Variants in WWP2 observed in about 807,000 individuals in gnomAD.
WWP2 encodes WW domain containing E3 ubiquitin protein ligase 2.
A neutral mutation model predicts 121.0 loss-of-function variants in WWP2; 57 were observed. The observed-to-expected ratio is 0.47, with a 90% CI of 0.38 to 0.59. WWP2 has a LOEUF of 0.59. Among genes scored for constraint, WWP2 ranks in the 20% least tolerant of loss-of-function variants. The pLI is 0.00. For synonymous variants in WWP2, 449 were observed against 441.3 expected (o/e 1.02, Z -0.22); for missense variants, 962 against 1,158.9 (o/e 0.83, Z 2.47).
intron 6 of WWP2, among the ~76,000 whole-genome samples, chr16:69,856,514 C>T (rs921811393): frequency 3.9e-5 from 6 of 152,154 alleles, no homozygotes; most frequent in East Asian, 1.9e-4. Flanking sequence ...CGGTGGCTCA[C>T]GCCTGTAATC....
intron 7 of WWP2, among the ~76,000 whole-genome samples, chr16:69,886,801 T>C (rs13333561): frequency 0.022 from 3,282 of 152,274 alleles, 95 homozygotes; most frequent in African/African-American, 0.067. Flanking sequence ...CAAGTACATC[T>C]GTTCAATGAT....
intron 1 of WWP2, among the ~76,000 whole-genome samples, chr16:69,776,655 C>A (rs13332047): frequency 6.6e-6 from 1 of 151,924 alleles, no homozygotes; most frequent in Non-Finnish European, 1.5e-5. Flanking sequence ...GGAGAAACCC[C>A]GTCTCTACTA....
At chr16:69,796,678 C>G (rs1287159685) in intron 2 of WWP2, among the ~76,000 whole-genome samples, 1 of 152,234 alleles carries the variant, frequency 6.6e-6, no homozygotes, top group Admixed American at 6.5e-5. Context: ...TAGATTCATG[C>G]TCTTACCACC....
At chr16:69,901,475 C>T (rs1013817382) in intron 8 of WWP2, among the ~76,000 whole-genome samples, 4 of 152,088 alleles carry the variant, frequency 2.6e-5, no homozygotes, top group African/African-American at 7.2e-5. Flanking sequence ...TGCAGTGGCG[C>T]GATCTCAGCT....
chr16:69,919,986 G>A (rs1007406843), intron 10 of WWP2, among the ~76,000 whole-genome samples: 1 of 151,818 alleles, frequency 6.6e-6, no homozygotes, highest in African/African-American at 2.4e-5. Context: ...GTAGAGATGG[G>A]GTTTTGCCAT....
chr16:69,803,551 A>C (rs950906199), intron 4 of WWP2, among the ~76,000 whole-genome samples: 1 of 152,060 alleles, frequency 6.6e-6, no homozygotes, highest in Non-Finnish European at 1.5e-5. Flanking sequence ...TGGTTGTTCT[A>C]TCTCTGAGGC....
At chr16:69,805,566 T>C (rs536465360) in intron 4 of WWP2, among the ~76,000 whole-genome samples, 2 of 152,108 alleles carry the variant, frequency 1.3e-5, no homozygotes, top group Non-Finnish European at 2.9e-5. Context: ...ACTGGGAATC[T>C]TTTTGATTTA....
At chr16:69,929,374 G>A in intron 11 of WWP2, 74 bp from the exon 12 acceptor site, 1 of 1,413,132 alleles carries the variant, frequency 7.1e-7, no homozygotes, top group Non-Finnish European at 9.9e-7. Flanking sequence ...CACCCAGGAG[G>A]TGGGAACCTC....
chr16:69,907,074 G>A (rs1343015669), intron 8 of WWP2, among the ~76,000 whole-genome samples: 2 of 152,190 alleles, frequency 1.3e-5, no homozygotes, highest in Admixed American at 6.5e-5. Context: ...TTTCTCTTGA[G>A]AAGACCTGAA....
intron 4 of WWP2, among the ~76,000 whole-genome samples, chr16:69,823,158 A>G (rs774587735): frequency 3.9e-5 from 6 of 152,164 alleles, no homozygotes; most frequent in Non-Finnish European, 8.8e-5. Context: ...AAACAAAAAC[A>G]CAGGTGAAAT....
chr16:69,871,378 T>G (rs994157271), intron 6 of WWP2, among the ~76,000 whole-genome samples: 1 of 152,250 alleles, frequency 6.6e-6, no homozygotes, highest in African/African-American at 2.4e-5. Context: ...GGAATCATCT[T>G]TCTAGCTATA....
chr16:69,879,779 A>G (rs1237451399), intron 7 of WWP2, among the ~76,000 whole-genome samples: 1 of 152,178 alleles, frequency 6.6e-6, no homozygotes. Context: ...TGTCATGCCC[A>G]TGCTAATGGG....
In WWP2 at chr16:69,937,042, G is replaced by C; in HGVS notation, c.2118-76G>C. ...TGATCTGGTGGTCCTGCGCGGTAACGGCCACGCGGCCTGGCCGGGAGCCAC... is the reference window on the plus strand; with the variant it reads ...TGATCTGGTGGTCCTGCGCGGTAACCGCCACGCGGCCTGGCCGGGAGCCAC... On this transcript the variant is annotated intron_variant, in intron 19 of 23. Coordinates refer to ENST00000359154, the MANE Select transcript of WWP2 (RefSeq NM_001270454.2). This position sits in a 1 kb window ranked among gnomAD's most constrained non-coding sequence, Gnocchi z 6.6. 1 of 1,559,054 alleles carries C rather than the reference G, an allele frequency of 6.4e-7. No individual in the cohort carries two copies. The highest frequency in any genetic ancestry group is 8.7e-7 in the Non-Finnish European group (1 of 1,150,432).
At chr16:69,886,222 G>A (rs1204271332) in intron 7 of WWP2, among the ~76,000 whole-genome samples, 1 of 152,132 alleles carries the variant, frequency 6.6e-6, no homozygotes, top group Non-Finnish European at 1.5e-5. Flanking sequence ...TGGGACCACA[G>A]GTGGGCACCA....
At chr16:69,851,569 A>G (rs2057214588) in intron 6 of WWP2, among the ~76,000 whole-genome samples, 1 of 152,042 alleles carries the variant, frequency 6.6e-6, no homozygotes, top group African/African-American at 2.4e-5. Context: ...TTATCCATTC[A>G]CTTTTACATT....
At chr16:69,764,454 A>G (rs960893462) in intron 1 of WWP2, among the ~76,000 whole-genome samples, 10 of 152,218 alleles carry the variant, frequency 6.6e-5, no homozygotes, top group Non-Finnish European at 1.2e-4. Context: ...CGGCCTCTCA[A>G]AGTGTTGCAA....
chr16:69,939,185 G>C, intron 22 of WWP2, 62 bp downstream of exon 22: 1 of 1,562,186 alleles, frequency 6.4e-7, no homozygotes, highest in Middle Eastern at 1.7e-4. Flanking sequence ...GAGGGAGGGG[G>C]AAACCTAGTC....
intron 1 of WWP2, among the ~76,000 whole-genome samples, chr16:69,786,414 C>T (rs1000653431): frequency 7.1e-6 from 1 of 141,652 alleles, no homozygotes; most frequent in Non-Finnish European, 1.5e-5. Flanking sequence ...CTGGGGATTA[C>T]AGGCATGAGC....
chr16:69,850,230 C>CA (rs1406276610), intron 6 of WWP2, among the ~76,000 whole-genome samples: 1 of 151,754 alleles, frequency 6.6e-6, no homozygotes, highest in Non-Finnish European at 1.5e-5. Flanking sequence ...ACTAAAAATA[C>CA]AAAAAAATTA....
Sources: gnomAD v4.1 joint callset for allele counts (sites outside exome capture counted in the v4.1 genomes callset) on GRCh38, gnomAD v4.1.1 for gene constraint, Gnocchi (gnomAD v3.1) non-coding constraint, MANE v1.5 for transcripts, NCBI Gene and HGNC (gene_info 2026-07-23, HGNC 2026-07-21) for gene names.